The following CADM2 variants were observed in gnomAD, a reference collection of about 807,000 sequenced individuals.
CADM2 encodes the protein immunoglobulin superfamily member 4D.
In CADM2, 12 loss-of-function variants were observed where a neutral mutation model predicts 49.8. That is an observed-to-expected ratio of 0.24 (90% CI 0.15 to 0.39). The LOEUF is 0.39. Ranked by LOEUF, CADM2 falls within the 10% of genes least tolerant of loss-of-function variation. The pLI, the probability that CADM2 is intolerant of heterozygous loss-of-function variation, is 1.00. For synonymous variants in CADM2, 214 were observed against 175.4 expected (o/e 1.22, Z -1.74); for missense variants, 378 against 492.3 (o/e 0.77, Z 2.20).
At chr3:85,782,981 C>T (rs1467363335) in intron 2 of CADM2, among the ~76,000 whole-genome samples, 1 of 152,094 alleles carries the variant, frequency 6.6e-6, no homozygotes, top group African/African-American at 2.4e-5. Context: ...CAGTGCAAAA[C>T]TTAAGTTTTA....
intron 8 of CADM2, chr3:85,979,086 A>G (rs1009464842): frequency 1.4e-5 from 21 of 1,498,174 alleles, no homozygotes; most frequent in Non-Finnish European, 1.8e-5. Context: ...AGTTATATGT[A>G]TTTATAATTT....
chr3:84,966,668 T>C (rs2031019152), intron 1 of CADM2, among the ~76,000 whole-genome samples: 1 of 152,066 alleles, frequency 6.6e-6, no homozygotes, highest in Non-Finnish European at 1.5e-5. Flanking sequence ...TAGTAAGATC[T>C]GCCATAGAGA....
At chr3:85,761,108 C>T (rs2069349824) in intron 2 of CADM2, among the ~76,000 whole-genome samples, 1 of 152,104 alleles carries the variant, frequency 6.6e-6, no homozygotes, top group Admixed American at 6.6e-5. Flanking sequence ...TTGCAAAACA[C>T]TCCTGAACAC....
chr3:85,948,970 T>A (rs1723067650), intron 7 of CADM2, among the ~76,000 whole-genome samples: 2 of 151,318 alleles, frequency 1.3e-5, no homozygotes, highest in African/African-American at 2.4e-5. Flanking sequence ...GGCCAGGAGA[T>A]GTCATGGAAA....
At chr3:85,905,691 G>C (rs1716707514) in intron 5 of CADM2, among the ~76,000 whole-genome samples, 1 of 151,936 alleles carries the variant, frequency 6.6e-6, no homozygotes, top group Non-Finnish European at 1.5e-5. Context: ...AAATAACAAA[G>C]TTAAAAATTT....
intron 2 of CADM2, among the ~76,000 whole-genome samples, chr3:85,771,871 A>G (rs986974494): frequency 5.3e-5 from 8 of 152,104 alleles, no homozygotes; most frequent in African/African-American, 1.9e-4. Context: ...CTGAATGATC[A>G]GAAAGAACTA....
intron 1 of CADM2, among the ~76,000 whole-genome samples, chr3:85,335,740 C>A (rs1004076237): frequency 6.6e-6 from 1 of 151,350 alleles, no homozygotes; most frequent in Admixed American, 6.6e-5. Context: ...CATATGTCTG[C>A]CATAATCTAT....
intron 1 of CADM2, among the ~76,000 whole-genome samples, chr3:85,710,654 C>A (rs963246335): frequency 2.0e-5 from 3 of 152,110 alleles, no homozygotes; most frequent in Admixed American, 2.0e-4. Flanking sequence ...TGTTTAGGAG[C>A]CTTCTATTGG....
At chr3:85,114,074 A>G (rs1399515802) in intron 1 of CADM2, among the ~76,000 whole-genome samples, 1 of 152,106 alleles carries the variant, frequency 6.6e-6, no homozygotes, top group Non-Finnish European at 1.5e-5. Flanking sequence ...TATAGGATCC[A>G]TAATTAGTCT....
At chr3:85,879,609 A>G (rs1359549463) in intron 3 of CADM2, among the ~76,000 whole-genome samples, 1 of 152,070 alleles carries the variant, frequency 6.6e-6, no homozygotes, top group African/African-American at 2.4e-5. Flanking sequence ...ACTGAATTTT[A>G]AGCTTTGATA....
At chr3:85,185,339 A>T (rs2041033732) in intron 1 of CADM2, among the ~76,000 whole-genome samples, 1 of 152,116 alleles carries the variant, frequency 6.6e-6, no homozygotes, top group Non-Finnish European at 1.5e-5. Flanking sequence ...TGAAAAAAAA[A>T]AATGATGGTC....
At chr3:85,358,687 T>C (rs1406373547) in intron 1 of CADM2, among the ~76,000 whole-genome samples, 3 of 152,206 alleles carry the variant, frequency 2.0e-5, no homozygotes, top group Non-Finnish European at 2.9e-5. Flanking sequence ...AATCAAGTAC[T>C]AATCTTAGAA....
intron 1 of CADM2, among the ~76,000 whole-genome samples, chr3:85,447,088 T>C (rs1423140711): frequency 6.8e-6 from 1 of 147,454 alleles, no homozygotes; most frequent in Non-Finnish European, 1.5e-5. Context: ...CATATGGTAA[T>C]ACAATTTGAA....
intron 1 of CADM2, among the ~76,000 whole-genome samples, chr3:84,985,846 G>C (rs183501188): frequency 3.9e-5 from 6 of 152,134 alleles, no homozygotes; most frequent in Admixed American, 3.9e-4. Context: ...GCAATTAAAA[G>C]ATTCTAATCT....
intron 1 of CADM2, among the ~76,000 whole-genome samples, chr3:85,123,413 T>A (rs2107595913): frequency 6.6e-6 from 1 of 152,284 alleles, no homozygotes; most frequent in African/African-American, 2.4e-5. Flanking sequence ...TCTTTTTTGG[T>A]GTAGGCTGTG....
In CADM2 at chr3:85,865,736, A is replaced by T. The variant is rs181716659; in HGVS notation, c.239-17555A>T. Among the ~76,000 whole-genome samples the T allele has an allele frequency of 2.2e-3, 329 of 152,340 alleles. 3 individuals are homozygous for T. The highest frequency in any genetic ancestry group is 7.7e-3 in the African/African-American group (322 of 41,580). ...TGTGTTAAGTCACAGCTGGTAGTTA[A>T]GCTGTGAGAGGGACGCAGATAAATG... On this transcript the variant is annotated intron_variant, in intron 3 of 9. Coordinates refer to ENST00000383699, the MANE Select transcript of CADM2 (RefSeq NM_001167675.2).
intron 8 of CADM2, among the ~76,000 whole-genome samples, chr3:85,974,775 ACTGT>A (rs1173189109): frequency 6.6e-6 from 1 of 151,652 alleles, no homozygotes; most frequent in Non-Finnish European, 1.5e-5. Flanking sequence ...GCCTAGTTAG[ACTGT>A]CTGCACAATT....
intron 6 of CADM2, among the ~76,000 whole-genome samples, chr3:85,920,887 A>C (rs1719013687): frequency 6.6e-6 from 1 of 151,586 alleles, no homozygotes; most frequent in Admixed American, 6.6e-5. Flanking sequence ...AAATTAATAT[A>C]ACATACTCTC....
At chr3:85,659,194 AT>A in intron 1 of CADM2, among the ~76,000 whole-genome samples, 1 of 151,960 alleles carries the variant, frequency 6.6e-6, no homozygotes, top group African/African-American at 2.4e-5. Context: ...TCATGGGAAT[AT>A]AATTGACAGC....
Sources: gnomAD v4.1 joint callset for allele counts (sites outside exome capture counted in the v4.1 genomes callset) on GRCh38, gnomAD v4.1.1 for gene constraint, MANE v1.5 for transcripts, NCBI Gene and HGNC (gene_info 2026-07-23, HGNC 2026-07-21) for gene names.